PRDM8: variants seen among roughly 807,000 people sequenced by gnomAD.
PRDM8 encodes the protein PR domain zinc finger protein 8.
Under a neutral mutation model 46.5 loss-of-function variants are expected in PRDM8, and 13 were observed. That is an observed-to-expected ratio of 0.28 (90% CI 0.18 to 0.44). The LOEUF (loss-of-function observed/expected upper bound fraction) is 0.44. PRDM8 is among the 20% of genes least tolerant of loss of function. The pLI is 1.00. For missense variants in PRDM8, 998 were observed against 955.0 expected (o/e 1.04, Z -0.59); for synonymous variants, 473 against 438.4 (o/e 1.08, Z -0.98).
At chr4:80,196,718 G>GA (rs557092448), upstream of PRDM8, 16 of 897,666 alleles carry the variant, frequency 1.8e-5, no homozygotes, top group African/African-American at 5.5e-5. Context: ...CAGAGGGGGG[G>GA]AAAAACCCCA....
chr4:80,194,091 C>A, upstream of PRDM8: 1 of 278,496 alleles, frequency 3.6e-6, no homozygotes, highest in Non-Finnish European at 5.4e-6. Flanking sequence ...CTTTCTTACC[C>A]TTTCTCCACC....
In PRDM8 at chr4:80,203,447, G is replaced by T; in HGVS notation, c.1985G>T (p.Arg662Leu). ...YAMEPLVKRR[R>L]EEKLKCPICN... Reference sequence around the variant, plus strand: ...ATGGAGCCCTTGGTGAAGCGGCGGCGAGAGGAGAAACTCAAGTGCCCCATC... The same window carrying T: ...ATGGAGCCCTTGGTGAAGCGGCGGCTAGAGGAGAAACTCAAGTGCCCCATC... Residue 662 changes from arginine (R) to leucine (L), a missense_variant, in exon 4 of 4, where the codon CGA becomes CTA. By Grantham distance (102) the Arg-to-Leu change is moderately radical. Transcript: ENST00000415738. 1.2e-6 allele frequency: 2 copies of T among 1,613,334 alleles called. No homozygotes were observed. The highest frequency in any genetic ancestry group is 1.7e-6 in the Non-Finnish European group (2 of 1,179,744).
upstream of PRDM8, chr4:80,196,534 G>T (rs1028990302): frequency 1.0e-5 from 10 of 985,190 alleles, no homozygotes; most frequent in Admixed American, 4.9e-4. Flanking sequence ...CTCCCGAGAC[G>T]GCCTCGGCAA....
At chr4:80,186,016 G>T (rs1737047259) in intron 1 of PRDM8, among the ~76,000 whole-genome samples, 1 of 152,184 alleles carries the variant, frequency 6.6e-6, no homozygotes, top group Admixed American at 6.5e-5. Flanking sequence ...TCAGGAAGGC[G>T]TTAAGGAAAA....
intron 1 of PRDM8, among the ~76,000 whole-genome samples, chr4:80,190,524 C>T (rs1274906306): frequency 6.6e-6 from 1 of 152,226 alleles, no homozygotes; most frequent in African/African-American, 2.4e-5. Flanking sequence ...GGTGAATCAG[C>T]TCAAACGATG....
At chr4:80,199,707 A>ATGTGTGTGTGTGTGTGTGTGTG (rs201992799) in intron 1 of PRDM8, among the ~76,000 whole-genome samples, 1 of 90,626 alleles carries the variant, frequency 1.1e-5, no homozygotes, top group African/African-American at 4.0e-5. Context: ...ATATATATAT[A>ATGTGTGTGTGTGTGTGTGTGTG]TATGTGTGTG....
Position 80,201,669 on chromosome 4 carries a change from T to C in PRDM8, c.451+148T>C, listed in dbSNP as rs566489136. On this transcript the variant is annotated intron_variant, in intron 3 of 3. Transcript: ENST00000415738. Reference sequence around the variant, plus strand: ...TCTGAGATGTAGTCTGGAATGAAGTTAAACAGATAGGTGAGGATAAAGCGA... The same window carrying C: ...TCTGAGATGTAGTCTGGAATGAAGTCAAACAGATAGGTGAGGATAAAGCGA... 3.5e-5 allele frequency: 34 copies of C among 959,748 alleles called. 1 individual carries two copies. In the African/African-American group the frequency reaches 5.3e-4, roughly 15 times the overall value. 59.5% of individuals were successfully genotyped at this position (959,748 alleles called of 1,614,324 possible). A position where few individuals can be genotyped will look rare whatever the true frequency, so the allele number is the denominator to read the frequency against.
chr4:80,188,103 C>T (rs1159936014), intron 1 of PRDM8, among the ~76,000 whole-genome samples: 2 of 152,236 alleles, frequency 1.3e-5, no homozygotes, highest in Non-Finnish European at 2.9e-5. Flanking sequence ...CAAGCTACTT[C>T]CTTCCAACTC....
chr4:80,201,366 A>G lies in PRDM8; in HGVS notation c.296A>G (p.Glu99Gly), dbSNP rs943924560. The G allele has an allele frequency of 8.7e-6, 14 of 1,614,108 alleles. No homozygotes were observed. The Middle Eastern group carries it at 8.2e-4, about 95-fold the overall frequency. ...LRLVQSARDKEEQNLEAYIKN... is the reference protein window; with the variant it reads ...LRLVQSARDKGEQNLEAYIKN... Reference sequence around the variant, plus strand: ...TTGGTCCAATCGGCCAGAGATAAGGAAGAGCAGAACCTTGAAGCCTACATA... The same window carrying G: ...TTGGTCCAATCGGCCAGAGATAAGGGAGAGCAGAACCTTGAAGCCTACATA... Residue 99 changes from glutamate to glycine, a missense_variant, in exon 3 of 4, where the codon GAA becomes GGA. Transcript: ENST00000415738.
In PRDM8 at chr4:80,200,231, CTATATGACAGCATAGCTTTCA is replaced by C. The variant is rs1447311493; in HGVS notation, c.154_174del (p.Tyr52_Ile58del). 6.2e-7 allele frequency: 1 copy of C among 1,614,028 alleles called. No individual in the cohort carries two copies. Among genetic ancestry groups the C allele is most frequent in the Non-Finnish European group, 8.5e-7 (1 of 1,180,024 alleles). ...TCCCTGTGTCCTGAGCCATACTTCC[CTATATGACAGCATAGCTTTCA>C]TAGCTCTCAAGTCTACTGACAAGAG... On this transcript the variant is annotated inframe_deletion, in exon 2 of 4. Coordinates refer to ENST00000415738, the MANE Select transcript of PRDM8 (RefSeq NM_001099403.2).
chr4:80,200,422 A>T, intron 2 of PRDM8, 123 bp downstream of exon 2: 1 of 829,460 alleles, frequency 1.2e-6, no homozygotes, highest in Non-Finnish European at 1.9e-6. Context: ...TAATGCAAGC[A>T]ATCCCATTTC....
At chr4:80,186,896 C>T (rs1381822983) in intron 1 of PRDM8, among the ~76,000 whole-genome samples, 1 of 152,218 alleles carries the variant, frequency 6.6e-6, no homozygotes, top group Admixed American at 6.5e-5. Flanking sequence ...TGCCCTTTCT[C>T]TGTGCTGCTT....
chr4:80,186,910 C>G (rs1397293879), intron 1 of PRDM8, among the ~76,000 whole-genome samples: 1 of 152,204 alleles, frequency 6.6e-6, no homozygotes, highest in Non-Finnish European at 1.5e-5. Context: ...GCTGCTTTCC[C>G]TGCTTCGGGA....
In PRDM8 at chr4:80,203,194, G is replaced by T. The variant is rs913790092; in HGVS notation, c.1732G>T (p.Ala578Ser). 2 of 1,550,072 alleles carry T rather than the reference G, an allele frequency of 1.3e-6. No homozygotes were observed. The highest frequency in any genetic ancestry group is 1.7e-6 in the Non-Finnish European group (2 of 1,150,960). ...GLPKQSPFLY[A>S]TAFWPKSSAA... is the part of the protein sequence containing the mutation. Reference sequence around the variant, plus strand: ...GCCTAAGCAGAGCCCCTTCCTGTACGCCACCGCCTTCTGGCCCAAGAGCTC... The same window carrying T: ...GCCTAAGCAGAGCCCCTTCCTGTACTCCACCGCCTTCTGGCCCAAGAGCTC... The change falls in exon 4 of 4, where the codon GCC becomes TCC. Residue 578 changes from alanine (A) to serine (S), a missense_variant. Ala to Ser is a moderately conservative substitution (Grantham distance 99, BLOSUM62 1). Coordinates refer to ENST00000415738, the MANE Select transcript of PRDM8 (RefSeq NM_001099403.2).
chr4:80,197,261 T>G, upstream of PRDM8: 2 of 983,286 alleles, frequency 2.0e-6, no homozygotes, highest in South Asian at 4.7e-5. Flanking sequence ...CTCCTAGCAG[T>G]CCCAGAGGGC....
At chr4:80,194,108 C>T (rs1737765568), upstream of PRDM8, 1 of 439,226 alleles carries the variant, frequency 2.3e-6, no homozygotes, top group Non-Finnish European at 3.0e-6. Context: ...CACCCTCTCA[C>T]TTAGGTCATA....
At chr4:80,200,385 A>C (rs1738350922) in intron 2 of PRDM8, 86 bp downstream of exon 2, 1 of 1,263,096 alleles carries the variant, frequency 7.9e-7, no homozygotes, top group Admixed American at 1.8e-5. Context: ...ACAAGTGGAG[A>C]TAGGTTTTGC....
At chr4:80,196,552 C>T (rs1031635724), upstream of PRDM8, 3 of 985,288 alleles carry the variant, frequency 3.0e-6, no homozygotes, top group African/African-American at 5.2e-5. Context: ...CAACTCCATC[C>T]CCTCCTCCAC....
chr4:80,194,687 G>T (rs1023602177), upstream of PRDM8, among the ~76,000 whole-genome samples: 1 of 152,164 alleles, frequency 6.6e-6, no homozygotes, highest in South Asian at 2.1e-4. Flanking sequence ...AAAAAGGGTA[G>T]GTCAGATTCA....
Sources: gnomAD v4.1 joint callset for allele counts (sites outside exome capture counted in the v4.1 genomes callset) on GRCh38, gnomAD v4.1.1 for gene constraint, MANE v1.5 for transcripts, NCBI Gene and HGNC (gene_info 2026-07-23, HGNC 2026-07-21) for gene names.